ATP8A2: variants seen among roughly 807,000 people sequenced by gnomAD.
ATP8A2 encodes the protein phospholipid-transporting ATPase IB.
In ATP8A2, 100 loss-of-function variants were observed where a neutral mutation model predicts 165.6. The ratio of observed to expected loss-of-function variants is 0.60; its 90% CI spans 0.51 to 0.71. The LOEUF (loss-of-function observed/expected upper bound fraction) is 0.71, where lower values mean the gene tolerates loss of function less well. ATP8A2 is among the 30% of genes least tolerant of loss of function. The pLI, the probability that ATP8A2 is intolerant of heterozygous loss-of-function variation, is 0.00. For synonymous variants in ATP8A2, 543 were observed against 548.8 expected (o/e 0.99, Z 0.15); for missense variants, 1,227 against 1,479.5 (o/e 0.83, Z 2.80).
chr13:25,615,956 T>G (rs1305744886), intron 24 of ATP8A2, among the ~76,000 whole-genome samples: 2 of 152,154 alleles, frequency 1.3e-5, no homozygotes, highest in African/African-American at 4.8e-5. Flanking sequence ...CTCTCGACTC[T>G]CCTGGTATGT....
chr13:25,943,008 C>T (rs1264046297), intron 33 of ATP8A2, among the ~76,000 whole-genome samples: 4 of 152,034 alleles, frequency 2.6e-5, no homozygotes, highest in Non-Finnish European at 4.4e-5. Context: ...TTCATGTCCC[C>T]GCTGAGAGTC....
At chr13:25,937,438 A>T in intron 33 of ATP8A2, among the ~76,000 whole-genome samples, 2 of 142,346 alleles carry the variant, frequency 1.4e-5, no homozygotes. Context: ...AAGGCTAATT[A>T]TTGTCCTTTG....
At chr13:25,814,760 A>C (rs1950965527) in intron 27 of ATP8A2, among the ~76,000 whole-genome samples, 1 of 152,238 alleles carries the variant, frequency 6.6e-6, no homozygotes, top group African/African-American at 2.4e-5. Flanking sequence ...TCACACCTGT[A>C]ATTCCAGCAC....
At chr13:25,450,066 G>A (rs574633669) in intron 1 of ATP8A2, among the ~76,000 whole-genome samples, 3 of 152,282 alleles carry the variant, frequency 2.0e-5, no homozygotes, top group African/African-American at 4.8e-5. Context: ...TTATAAGTGA[G>A]AACATGCGGT....
chr13:25,964,065 A>G (rs1955721717), intron 34 of ATP8A2, among the ~76,000 whole-genome samples: 4 of 152,244 alleles, frequency 2.6e-5, no homozygotes, highest in Admixed American at 1.3e-4. Context: ...GTCACTCTGC[A>G]GCAGGAGCAC....
intron 33 of ATP8A2, among the ~76,000 whole-genome samples, chr13:25,948,220 C>T (rs1191228747): frequency 6.6e-6 from 1 of 151,978 alleles, no homozygotes; most frequent in Non-Finnish European, 1.5e-5. Flanking sequence ...GCAGATCGTA[C>T]TCCCTGGGAC....
chr13:25,679,446 A>G (rs1222243166), intron 24 of ATP8A2, among the ~76,000 whole-genome samples: 3 of 152,172 alleles, frequency 2.0e-5, no homozygotes, highest in African/African-American at 7.2e-5. Context: ...GGGGCAGATA[A>G]TGCGATTTGA....
intron 35 of ATP8A2, among the ~76,000 whole-genome samples, chr13:25,985,987 C>G (rs1420833920): frequency 1.3e-5 from 2 of 152,204 alleles, no homozygotes; most frequent in East Asian, 3.8e-4. Context: ...AAGCCACGTG[C>G]TATATCCCTG....
chr13:25,756,168 T>C (rs1161034955), intron 25 of ATP8A2, among the ~76,000 whole-genome samples: 1 of 151,988 alleles, frequency 6.6e-6, no homozygotes, highest in Non-Finnish European at 1.5e-5. Flanking sequence ...CAGCAGCTCC[T>C]ACTCCAGGTG....
intron 33 of ATP8A2, among the ~76,000 whole-genome samples, chr13:25,941,137 T>C (rs1304186831): frequency 6.6e-6 from 1 of 152,128 alleles, no homozygotes; most frequent in Non-Finnish European, 1.5e-5. Flanking sequence ...AGCCGCTAGT[T>C]CCACCTCCCC....
In ATP8A2 at chr13:25,837,026, G is replaced by C. The variant is rs867653423; in HGVS notation, c.2755-137G>C. ...TTTCATTTATTTCCTTTGTTTGGAG[G>C]GTGTCTGGGGATCTGTGAATCATGG... is the stretch of plus-strand genomic sequence containing the variant. On this transcript the variant is annotated intron_variant, in intron 28 of 36. Transcript: ENST00000381655. 122 of 1,017,326 alleles carry C rather than the reference G, an allele frequency of 1.2e-4. 2 individuals carry two copies. In the Middle Eastern group the frequency reaches 1.3e-3, roughly 11 times the overall value. The allele number at this position is 1,017,326 out of a possible 1,614,324, so 63.0% of individuals were successfully genotyped here.
At chr13:25,676,922 G>A (rs1654141950) in intron 24 of ATP8A2, among the ~76,000 whole-genome samples, 1 of 152,146 alleles carries the variant, frequency 6.6e-6, no homozygotes, top group Admixed American at 6.5e-5. Flanking sequence ...CTCTTTTGAA[G>A]GGATTTAGGA....
chr13:25,911,339 C>T (rs1243075404), intron 33 of ATP8A2, among the ~76,000 whole-genome samples: 1 of 152,184 alleles, frequency 6.6e-6, no homozygotes, highest in Non-Finnish European at 1.5e-5. Flanking sequence ...CAGCAGCTAG[C>T]TCTTACTCCA....
chr13:25,679,073 A>G (rs557618245), intron 24 of ATP8A2, among the ~76,000 whole-genome samples: 14 of 152,192 alleles, frequency 9.2e-5, no homozygotes, highest in Non-Finnish European at 1.8e-4. Flanking sequence ...TTAAAATTAC[A>G]CTTGGAAACC....
intron 33 of ATP8A2, among the ~76,000 whole-genome samples, chr13:25,870,944 C>T (rs1052458201): frequency 2.0e-4 from 31 of 152,152 alleles, no homozygotes; most frequent in African/African-American, 6.8e-4. Context: ...TTTCAAACAA[C>T]AGGATTTATT....
intron 33 of ATP8A2, among the ~76,000 whole-genome samples, chr13:25,874,067 A>G (rs1482973267): frequency 6.6e-6 from 1 of 152,194 alleles, no homozygotes; most frequent in African/African-American, 2.4e-5. Flanking sequence ...GCCTGGACCC[A>G]TTCCTCTACC....
In ATP8A2 at chr13:25,378,729, A is replaced by G. The variant is rs73472421; in HGVS notation, c.76+6441A>G. 2.1e-3 allele frequency among the ~76,000 whole-genome samples: 321 copies of G among 152,298 alleles called. 1 individual carries two copies. The highest frequency in any genetic ancestry group is 7.4e-3 in the African/African-American group (307 of 41,554). On this transcript the variant is annotated intron_variant, in intron 1 of 36. Transcript: ENST00000381655. ...CACATATTCCTCACTAGCCTGCATA[A>G]CTGACAGCACTTGGCTGTCTCCGGC...
chr13:25,700,469 A>C (rs1167788670), intron 25 of ATP8A2, among the ~76,000 whole-genome samples: 1 of 151,852 alleles, frequency 6.6e-6, no homozygotes, highest in African/African-American at 2.4e-5. Context: ...TCATCTACTC[A>C]CTTGTCTCTC....
chr13:25,699,965 A>G (rs533892127), intron 25 of ATP8A2, among the ~76,000 whole-genome samples: 62 of 152,314 alleles, frequency 4.1e-4, no homozygotes, highest in African/African-American at 1.5e-3. Flanking sequence ...GTAAACCACT[A>G]GAAAGATGAG....
Sources: gnomAD v4.1 joint callset for allele counts (sites outside exome capture counted in the v4.1 genomes callset) on GRCh38, gnomAD v4.1.1 for gene constraint, MANE v1.5 for transcripts, NCBI Gene and HGNC (gene_info 2026-07-23, HGNC 2026-07-21) for gene names.